The following THAP11 variants were observed in gnomAD, a reference collection of about 807,000 sequenced individuals.
THAP11 encodes THAP domain-containing protein 11.
A neutral mutation model predicts 24.1 loss-of-function variants in THAP11; 8 were observed. That is an observed-to-expected ratio of 0.33 (90% confidence interval 0.20 to 0.60). The LOEUF is 0.60. Among genes scored for constraint, THAP11 ranks in the 20% least tolerant of loss-of-function variants. The pLI is 0.82. For synonymous variants in THAP11, 222 were observed against 180.2 expected, an observed-to-expected ratio of 1.23 and a Z score of -1.86; for missense variants, 276 against 418.4, an observed-to-expected ratio of 0.66 and a Z score of 2.97.
chr16:67,843,095 A>T lies in THAP11; in HGVS notation c.541A>T (p.Thr181Ser). Residue 181 changes from threonine to serine, a missense_variant, in exon 1 of 1, where the codon ACT becomes TCT. Thr to Ser is a moderately conservative substitution (Grantham distance 58). Transcript: ENST00000303596. This position sits in a 1 kb window ranked among gnomAD's most constrained non-coding sequence, Gnocchi z 5.7. ...CGTACAGCCGGCGCCCATCACTCCC[A>T]CTGGAGAAGACGTGAAGCCCATCGA... The part of the protein sequence containing the change: ...GSVQPAPITP[T>S]GEDVKPIDLT... 2 of 1,610,690 alleles carry T rather than the reference A, an allele frequency of 1.2e-6. No individual in the cohort carries two copies. Among genetic ancestry groups the T allele is most frequent in the Non-Finnish European group, 1.7e-6 (2 of 1,179,916 alleles).
rs941518976 is a variant in THAP11, at chr16:67,842,734, C to T, written c.180C>T (p.Leu60=). Residue 60 remains leucine, a synonymous_variant, in exon 1 of 1, where the codon CTC becomes CTT. Transcript: ENST00000303596. This position sits in a 1 kb window ranked among gnomAD's most constrained non-coding sequence, Gnocchi z 4.9. ...STFQPTTGHR[L]CSVHFQGGRK... ...TCCAGCCCACCACAGGCCACCGTCT[C>T]TGCAGCGTTCACTTCCAGGGCGGCC... 1.9e-6 allele frequency: 3 copies of T among 1,608,208 alleles called. No homozygotes were observed. The highest frequency in any genetic ancestry group is 2.7e-5 in the African/African-American group (2 of 74,746).
At position 67,842,446 on chromosome 16, in the gene THAP11, CCAAGGCCTCGCGCGGCGCCGCCCGT is replaced by C; in HGVS notation, c.-107_-83del. The C allele has an allele frequency of 1.2e-6, 1 of 867,314 alleles. No individual in the cohort carries two copies. The highest frequency in any genetic ancestry group is 1.5e-6 in the Non-Finnish European group (1 of 660,944). The allele number at this position is 867,314 out of a possible 1,614,324, so 53.7% of individuals were successfully genotyped here. Reference sequence around the variant, plus strand: ...CCGAGCGGCAGTGGTGGGATACCACCCAAGGCCTCGCGCGGCGCCGCCCGTCGAGGGGCGGGCGGCGGCGTAGCCA... The same window carrying C: ...CCGAGCGGCAGTGGTGGGATACCACCCGAGGGGCGGGCGGCGGCGTAGCCA... On this transcript the variant is annotated 5_prime_UTR_variant, in exon 1 of 1. Coordinates refer to ENST00000303596, the MANE Select transcript of THAP11 (RefSeq NM_020457.3). The surrounding 1 kb of genome is among the most constrained non-coding windows in gnomAD (Gnocchi z 4.9).
rs773580230 is a variant in THAP11 at position 67,842,836 on chromosome 16, C to T, written c.282C>T (p.Pro94=). The T allele has an allele frequency of 1.9e-6, 3 of 1,608,652 alleles. No homozygotes were observed. The highest frequency in any genetic ancestry group is 2.2e-5 in the East Asian group (1 of 44,764). Residue 94 remains proline (P), a synonymous_variant, in exon 1 of 1, where the codon CCC becomes CCT. Transcript: ENST00000303596. The surrounding 1 kb of genome is among the most constrained non-coding windows in gnomAD (Gnocchi z 4.9). ...ATGAGCGCAAAGTAGCGCGCAGACCCGCTGGGGCCGCGGCCGCCCGCCGCA... is the reference window on the plus strand; with the variant it reads ...ATGAGCGCAAAGTAGCGCGCAGACCTGCTGGGGCCGCGGCCGCCCGCCGCA... ...GVNERKVARR[P]AGAAAARRRQ...
Position 67,843,619 on chromosome 16 carries a change from T to A in THAP11, c.*120T>A. On this transcript the variant is annotated 3_prime_UTR_variant, in exon 1 of 1. Transcript: ENST00000303596. This position sits in a 1 kb window ranked among gnomAD's most constrained non-coding sequence, Gnocchi z 5.7. Reference sequence around the variant, plus strand: ...TGACAGTACTGAGGCTTAAGGCAGCTGGACTCTCTTGCTGGTGACCTGGCA... The same window carrying A: ...TGACAGTACTGAGGCTTAAGGCAGCAGGACTCTCTTGCTGGTGACCTGGCA... 9.8e-7 allele frequency: 1 copy of A among 1,016,046 alleles called. No homozygotes were observed. Among genetic ancestry groups the A allele is most frequent in the Non-Finnish European group, 1.4e-6 (1 of 704,828 alleles). The allele number at this position is 1,016,046 out of a possible 1,614,324, so 62.9% of individuals were successfully genotyped here. A position where few individuals can be genotyped will look rare whatever the true frequency, so the allele number is the denominator to read the frequency against.
At position 67,842,550 on chromosome 16, in the gene THAP11, C is replaced by T. The variant is rs1259082869; in HGVS notation, c.-5C>T. 1.3e-6 allele frequency: 2 copies of T among 1,513,030 alleles called. No homozygotes were observed. Among genetic ancestry groups the T allele is most frequent in the Non-Finnish European group, 1.8e-6 (2 of 1,126,024 alleles). The allele number at this position is 1,513,030 out of a possible 1,614,324, so 93.7% of individuals were successfully genotyped here. ...GTGGGCCGGGCCGGGCCGCGCGGCG[C>T]AGCCATGCCTGGCTTTACGTGCTGC... On this transcript the variant is annotated 5_prime_UTR_variant, in exon 1 of 1. Coordinates refer to ENST00000303596, the MANE Select transcript of THAP11 (RefSeq NM_020457.3). This position sits in a 1 kb window ranked among gnomAD's most constrained non-coding sequence, Gnocchi z 4.9.
rs61747726 is a variant in THAP11, at chr16:67,842,683, C to G, written c.129C>G (p.Ala43=). 25 of 1,583,376 alleles carry G rather than the reference C, an allele frequency of 1.6e-5. No individual in the cohort carries two copies. In the African/African-American group the frequency reaches 2.8e-4, roughly 18 times the overall value. The change falls in exon 1 of 1, where the codon GCC becomes GCG. Residue 43 remains alanine, a synonymous_variant. Transcript: ENST00000303596. The surrounding 1 kb of genome is among the most constrained non-coding windows in gnomAD (Gnocchi z 4.9). ...TCTGGCTCAAGAACGTGTCGCGTGC[C>G]GGCGTCAGTGGGTGCTTCTCCACCT... is the stretch of plus-strand genomic sequence containing the variant. ...RRLWLKNVSR[A]GVSGCFSTFQ... is the part of the protein sequence containing the mutation.
rs1446870868 is a variant in THAP11, at chr16:67,844,101, C to G, written c.*602C>G. ...TAGGTTTATCCTGTTTTGTTTGCTA[C>G]TGGTTACAAATTCTATTTTCTGTAC... is the stretch of plus-strand genomic sequence containing the variant. On this transcript the variant is annotated 3_prime_UTR_variant, in exon 1 of 1. Transcript: ENST00000303596. 6.0e-6 allele frequency: 1 copy of G among 167,000 alleles called. No homozygotes were observed. The highest frequency in any genetic ancestry group is 6.5e-5 in the Admixed American group (1 of 15,286). The allele number at this position is 167,000 out of a possible 1,614,324, so 10.3% of individuals were successfully genotyped here.
rs2057778585 is a variant in THAP11, at chr16:67,843,436, A to G, written c.882A>G (p.Glu294=). ...GTCTCACTGAGGCCAAGCTGCGCGA[A>G]GAACTGCGTGAGAAGGATCGGCTGC... ...HLRLTEAKLR[E]ELREKDRLLA... The change falls in exon 1 of 1, where the codon GAA becomes GAG. Residue 294 remains glutamate (E), a synonymous_variant. Transcript: ENST00000303596. This position sits in a 1 kb window ranked among gnomAD's most constrained non-coding sequence, Gnocchi z 5.7. 1 of 1,613,958 alleles carries G rather than the reference A, an allele frequency of 6.2e-7. No homozygotes were observed. The highest frequency in any genetic ancestry group is 8.5e-7 in the Non-Finnish European group (1 of 1,180,030).
chr16:67,842,515 C>G lies in THAP11; in HGVS notation c.-40C>G. ...GTAGCCACTGGGCCGTCGAAGAGCG[C>G]AGGAGGCCGGTGGGCCGGGCCGGGC... On this transcript the variant is annotated 5_prime_UTR_variant, in exon 1 of 1. Transcript: ENST00000303596. This position sits in a 1 kb window ranked among gnomAD's most constrained non-coding sequence, Gnocchi z 4.9. 6.8e-7 allele frequency: 1 copy of G among 1,464,462 alleles called. No individual in the cohort carries two copies. Among genetic ancestry groups the G allele is most frequent in the Non-Finnish European group, 9.0e-7 (1 of 1,108,408 alleles). The allele number at this position is 1,464,462 out of a possible 1,614,324, so 90.7% of individuals were successfully genotyped here.
In THAP11 at chr16:67,842,554, C is replaced by T; in HGVS notation, c.-1C>T. 1 of 1,521,694 alleles carries T rather than the reference C, an allele frequency of 6.6e-7. No individual in the cohort carries two copies. Among genetic ancestry groups the T allele is most frequent in the Non-Finnish European group, 8.8e-7 (1 of 1,130,184 alleles). 94.3% of individuals were successfully genotyped at this position (1,521,694 alleles called of 1,614,324 possible). On this transcript the variant is annotated 5_prime_UTR_variant, in exon 1 of 1. Coordinates refer to ENST00000303596, the MANE Select transcript of THAP11 (RefSeq NM_020457.3). This position sits in a 1 kb window ranked among gnomAD's most constrained non-coding sequence, Gnocchi z 4.9. ...GCCGGGCCGGGCCGCGCGGCGCAGC[C>T]ATGCCTGGCTTTACGTGCTGCGTGC...
chr16:67,842,902 A>ACAGCAGCAGCAGCAGCAGCAGCAGCAG lies in THAP11; in HGVS notation c.365_366insGCAGCAGCAGCAGCAGCAGCAGCAGCA (p.Gln124_Gln132dup), dbSNP rs955056927. On this transcript the variant is annotated inframe_insertion, in exon 1 of 1. Transcript: ENST00000303596. This position sits in a 1 kb window ranked among gnomAD's most constrained non-coding sequence, Gnocchi z 4.9. ...AGCAGCAGCAGCAGCAACAGCAGCA[A>ACAGCAGCAGCAGCAGCAGCAGCAGCAG]CAGCAGCAGCAGCAGCAACAGCAGC... 2 of 1,574,958 alleles carry ACAGCAGCAGCAGCAGCAGCAGCAGCAG rather than the reference A, an allele frequency of 1.3e-6. No individual in the cohort carries two copies. Among genetic ancestry groups the ACAGCAGCAGCAGCAGCAGCAGCAGCAG allele is most frequent in the South Asian group, 1.2e-5 (1 of 84,826 alleles).
chr16:67,842,524 GGTGGGCCGGGCCGGGC>G lies in THAP11; in HGVS notation c.-30_-15del. 1 of 1,473,778 alleles carries G rather than the reference GGTGGGCCGGGCCGGGC, an allele frequency of 6.8e-7. No individual in the cohort carries two copies. The highest frequency in any genetic ancestry group is 9.0e-7 in the Non-Finnish European group (1 of 1,111,766). 91.3% of individuals were successfully genotyped at this position (1,473,778 alleles called of 1,614,324 possible). A position where few individuals can be genotyped will look rare whatever the true frequency, so the allele number is the denominator to read the frequency against. On this transcript the variant is annotated 5_prime_UTR_variant, in exon 1 of 1. Transcript: ENST00000303596. The surrounding 1 kb of genome is among the most constrained non-coding windows in gnomAD (Gnocchi z 4.9). ...GGGCCGTCGAAGAGCGCAGGAGGCC[GGTGGGCCGGGCCGGGC>G]CGCGCGGCGCAGCCATGCCTGGCTT... is the stretch of plus-strand genomic sequence containing the variant.
Position 67,843,737 on chromosome 16 carries a change from AGTTATT to A in THAP11, c.*242_*247del. 1 of 492,456 alleles carries A rather than the reference AGTTATT, an allele frequency of 2.0e-6. No homozygotes were observed. Among genetic ancestry groups the A allele is most frequent in the South Asian group, 3.3e-5 (1 of 30,320 alleles). 30.5% of individuals were successfully genotyped at this position (492,456 alleles called of 1,614,324 possible). ...ATGACTTTGTCTACCCTTCCTCCCC[AGTTATT>A]GTTGCAGATTCTGGTTAAGCAGAGG... On this transcript the variant is annotated 3_prime_UTR_variant, in exon 1 of 1. Transcript: ENST00000303596. The surrounding 1 kb of genome is among the most constrained non-coding windows in gnomAD (Gnocchi z 5.7).
rs767277444 is a variant in THAP11, at chr16:67,843,355, C to T, written c.801C>T (p.Ile267=). 6 of 1,613,972 alleles carry T rather than the reference C, an allele frequency of 3.7e-6. No individual in the cohort carries two copies. In the South Asian group the frequency reaches 5.5e-5, roughly 15 times the overall value. The change falls in exon 1 of 1, where the codon ATC becomes ATT. Residue 267 remains isoleucine (I), a synonymous_variant. Transcript: ENST00000303596. This position sits in a 1 kb window ranked among gnomAD's most constrained non-coding sequence, Gnocchi z 5.7. ...LLRKLNEQRD[I]LALMEVKMKE... ...GCAAGCTGAATGAGCAGCGGGACAT[C>T]CTGGCTCTGATGGAAGTGAAGATGA...
rs767170342 is a variant in THAP11, at chr16:67,843,227, A to G, written c.673A>G (p.Met225Val). 6 of 1,611,842 alleles carry G rather than the reference A, an allele frequency of 3.7e-6. No homozygotes were observed. Among genetic ancestry groups the G allele is most frequent in the African/African-American group, 2.7e-5 (2 of 74,898 alleles). ...TAGLEAAECP[M>V]GPQLVVVGEE... Reference sequence around the variant, plus strand: ...AGGGCTGGAGGCTGCCGAGTGCCCTATGGGCCCCCAGTTGGTGGTGGTAGG... The same window carrying G: ...AGGGCTGGAGGCTGCCGAGTGCCCTGTGGGCCCCCAGTTGGTGGTGGTAGG... Residue 225 changes from methionine (M) to valine (V), a missense_variant, in exon 1 of 1, where the codon ATG (methionine) becomes GTG (valine). By Grantham distance (21) the Met-to-Val change is conservative. This residue lies in a region of THAP11 where 210 missense variants were observed against 203.4 expected (regional missense o/e 1.03). Transcript: ENST00000303596. The surrounding 1 kb of genome is among the most constrained non-coding windows in gnomAD (Gnocchi z 5.7).
rs767106873 is a variant in THAP11, at chr16:67,842,827, G to T, written c.273G>T (p.Ala91=). ...PLRGVNERKV[A]RRPAGAAAAR... is the part of the protein sequence containing the mutation. ...GCGGCGTCAATGAGCGCAAAGTAGC[G>T]CGCAGACCCGCTGGGGCCGCGGCCG... The change falls in exon 1 of 1, where the codon GCG becomes GCT. Residue 91 remains alanine, a synonymous_variant. Coordinates refer to ENST00000303596, the MANE Select transcript of THAP11 (RefSeq NM_020457.3). The surrounding 1 kb of genome is among the most constrained non-coding windows in gnomAD (Gnocchi z 4.9). 3 of 1,609,310 alleles carry T rather than the reference G, an allele frequency of 1.9e-6. No homozygotes were observed. In the South Asian group the frequency reaches 3.3e-5, roughly 18 times the overall value.
At position 67,842,884 on chromosome 16, in the gene THAP11, G is replaced by T; in HGVS notation, c.330G>T (p.Gln110His). Residue 110 changes from glutamine to histidine, a missense_variant, in exon 1 of 1, where the codon CAG (glutamine) becomes CAT (histidine). Coordinates refer to ENST00000303596, the MANE Select transcript of THAP11 (RefSeq NM_020457.3). This position sits in a 1 kb window ranked among gnomAD's most constrained non-coding sequence, Gnocchi z 4.9. ...GCAGGCAGCAGCAGCAACAGCAGCA[G>T]CAGCAGCAACAGCAGCAACAGCAGC... ...ARRRQQQQQQ[Q>H]QQQQQQQQQQ... The T allele has an allele frequency of 6.2e-7, 1 of 1,602,528 alleles. No homozygotes were observed.
At position 67,842,333 on chromosome 16, in the gene THAP11, G is replaced by A. The variant is rs2057767139; in HGVS notation, c.-222G>A. The A allele has an allele frequency of 5.4e-6, 1 of 185,806 alleles. No individual in the cohort carries two copies. Among genetic ancestry groups the A allele is most frequent in the African/African-American group, 2.4e-5 (1 of 42,294 alleles). 11.5% of individuals were successfully genotyped at this position (185,806 alleles called of 1,614,324 possible). On this transcript the variant is annotated 5_prime_UTR_variant, in exon 1 of 1. Transcript: ENST00000303596. This position sits in a 1 kb window ranked among gnomAD's most constrained non-coding sequence, Gnocchi z 4.9. ...CGCGGCGTCCCCGGGGCCCACTCCC[G>A]AGCGCAGGCGGGCAGCCAGGCGGGC...
At position 67,842,766 on chromosome 16, in the gene THAP11, C is replaced by T; in HGVS notation, c.212C>T (p.Thr71Ile). 1 of 1,609,996 alleles carries T rather than the reference C, an allele frequency of 6.2e-7. No individual in the cohort carries two copies. Among genetic ancestry groups the T allele is most frequent in the South Asian group, 1.1e-5 (1 of 90,610 alleles). The change falls in exon 1 of 1, where the codon ACC becomes ATC. Residue 71 changes from threonine to isoleucine, a missense_variant. This residue lies in a region of THAP11 where 28 missense variants were observed against 119.1 expected (regional missense o/e 0.24). Transcript: ENST00000303596. The surrounding 1 kb of genome is among the most constrained non-coding windows in gnomAD (Gnocchi z 4.9). Reference protein sequence around the residue: ...CSVHFQGGRKTYTVRVPTIFP... With the variant: ...CSVHFQGGRKIYTVRVPTIFP... ...GTTCACTTCCAGGGCGGCCGCAAGA[C>T]CTACACGGTACGCGTCCCCACCATC...
Sources: gnomAD v4.1 joint callset for allele counts on GRCh38, gnomAD v4.1.1 for gene constraint, gnomAD v4.1.1 regional missense constraint, Gnocchi (gnomAD v3.1) non-coding constraint, MANE v1.5 for transcripts, NCBI Gene and HGNC (gene_info 2026-07-23, HGNC 2026-07-21) for gene names.